The following UNC5C variants were observed in gnomAD, a reference collection of about 807,000 sequenced individuals.
UNC5C encodes the protein unc-5 netrin receptor C.
In UNC5C, 47 loss-of-function variants were observed where a neutral mutation model predicts 99.8. The ratio of observed to expected loss-of-function variants is 0.47; its 90% CI spans 0.37 to 0.60. UNC5C has a LOEUF of 0.60. Ranked by LOEUF, UNC5C falls within the 20% of genes least tolerant of loss-of-function variation. The pLI is 0.00. For missense variants in UNC5C, 1,062 were observed against 1,165.9 expected, an observed-to-expected ratio of 0.91 and a Z score of 1.30; for synonymous variants, 487 against 452.2, an observed-to-expected ratio of 1.08 and a Z score of -0.98.
intron 2 of UNC5C, 119 bp from the exon 3 acceptor site, chr4:95,301,868 A>ATATT (rs1741895474): frequency 8.0e-7 from 1 of 1,255,080 alleles, no homozygotes; most frequent in Non-Finnish European, 1.1e-6. Flanking sequence ...AACAACCCAG[A>ATATT]TATTGTCTCT....
Position 95,228,751 on chromosome 4 carries a change from G to C in UNC5C, c.1109-8575C>G, listed in dbSNP as rs748585244. 3.0e-4 allele frequency among the ~76,000 whole-genome samples: 46 copies of C among 152,310 alleles called. 1 individual carries two copies. The highest frequency in any genetic ancestry group is 7.8e-4 in the Admixed American group (12 of 15,304). ...AATTTGTAATTTGGTGATTGCATGAGATAACCCTGCTGATTTGGACTGTAA... is the reference window on the plus strand; with the variant it reads ...AATTTGTAATTTGGTGATTGCATGACATAACCCTGCTGATTTGGACTGTAA... On this transcript the variant is annotated intron_variant, in intron 7 of 15. Coordinates refer to ENST00000453304, the MANE Select transcript of UNC5C (RefSeq NM_003728.4).
chr4:95,510,244 C>A (rs1029678174), intron 1 of UNC5C, among the ~76,000 whole-genome samples: 1 of 151,850 alleles, frequency 6.6e-6, no homozygotes, highest in African/African-American at 2.4e-5. Flanking sequence ...ATTTTACCAT[C>A]CATTTGTAAA....
At chr4:95,285,661 G>C (rs1201646677) in intron 3 of UNC5C, among the ~76,000 whole-genome samples, 1 of 152,116 alleles carries the variant, frequency 6.6e-6, no homozygotes, top group East Asian at 1.9e-4. Flanking sequence ...CAAACTGAGT[G>C]TTATGACCCT....
intron 1 of UNC5C, among the ~76,000 whole-genome samples, chr4:95,467,784 G>C (rs1271592485): frequency 6.6e-6 from 1 of 152,024 alleles, no homozygotes; most frequent in Non-Finnish European, 1.5e-5. Context: ...ACTGGTGACT[G>C]GAAGCCTTAC....
At chr4:95,326,189 A>G (rs1037852154) in intron 2 of UNC5C, among the ~76,000 whole-genome samples, 3 of 152,150 alleles carry the variant, frequency 2.0e-5, no homozygotes, top group Non-Finnish European at 4.4e-5. Flanking sequence ...AATACATGTA[A>G]GGTGCTCAGT....
intron 1 of UNC5C, among the ~76,000 whole-genome samples, chr4:95,413,473 CA>C (rs756386672): frequency 8.2e-4 from 125 of 152,278 alleles, no homozygotes; most frequent in Non-Finnish European, 1.5e-3. Context: ...ATCATCCAGG[CA>C]TCATCTAACA....
intron 9 of UNC5C, among the ~76,000 whole-genome samples, chr4:95,217,553 A>G (rs995565696): frequency 7.2e-5 from 11 of 152,338 alleles, no homozygotes; most frequent in African/African-American, 2.6e-4. Flanking sequence ...AGTAATAGGT[A>G]ACTATTGTTT....
chr4:95,370,312 G>T (rs1297184144), intron 1 of UNC5C, among the ~76,000 whole-genome samples: 2 of 151,646 alleles, frequency 1.3e-5, no homozygotes, highest in Non-Finnish European at 2.9e-5. Flanking sequence ...TTTTTTTAAT[G>T]CAGCTACTAG....
intron 15 of UNC5C, among the ~76,000 whole-genome samples, chr4:95,169,944 A>C (rs1736022129): frequency 6.6e-6 from 1 of 152,188 alleles, no homozygotes; most frequent in South Asian, 2.1e-4. Flanking sequence ...GATACTTACC[A>C]ATGCCAGATA....
rs17023649 is a variant in UNC5C, at chr4:95,374,932, G to A, written c.125-39301C>T. 3.0e-3 allele frequency among the ~76,000 whole-genome samples: 455 copies of A among 152,212 alleles called. 2 individuals carry two copies. The highest frequency in any genetic ancestry group is 0.01 in the African/African-American group (435 of 41,520). On this transcript the variant is annotated intron_variant, in intron 1 of 15. Transcript: ENST00000453304. Reference sequence around the variant, plus strand: ...ATGGTTGCTAAATTATAATAACATCGCAGGTTGAACTATAATGCTGAATAT... The same window carrying A: ...ATGGTTGCTAAATTATAATAACATCACAGGTTGAACTATAATGCTGAATAT...
intron 7 of UNC5C, among the ~76,000 whole-genome samples, chr4:95,224,773 A>C (rs946006029): frequency 1.3e-5 from 2 of 152,210 alleles, no homozygotes; most frequent in Non-Finnish European, 2.9e-5. Context: ...AATAGTAAAA[A>C]AGTTCTTTTA....
chr4:95,233,789 G>C (rs1315385327), intron 7 of UNC5C, among the ~76,000 whole-genome samples: 1 of 152,100 alleles, frequency 6.6e-6, no homozygotes, highest in East Asian at 1.9e-4. Flanking sequence ...ACAAAAATTA[G>C]GTGGGTAGGG....
chr4:95,271,089 T>G (rs28449516), intron 4 of UNC5C, among the ~76,000 whole-genome samples: 67,685 of 152,072 alleles, frequency 0.45, 15,889 homozygotes, highest in East Asian at 0.58. Context: ...GAAAAACCTT[T>G]TTTGAACAAA....
chr4:95,401,035 T>C (rs1277225956), intron 1 of UNC5C, among the ~76,000 whole-genome samples: 2 of 152,206 alleles, frequency 1.3e-5, no homozygotes, highest in African/African-American at 4.8e-5. Flanking sequence ...AGTTTTTGGA[T>C]GTTAAGGTAT....
intron 1 of UNC5C, among the ~76,000 whole-genome samples, chr4:95,423,150 G>A (rs1012897310): frequency 1.3e-5 from 2 of 152,134 alleles, no homozygotes; most frequent in African/African-American, 4.8e-5. Context: ...CTATATGAGA[G>A]GATTGTATCT....
chr4:95,428,777 C>CCTT (rs1746553144), intron 1 of UNC5C, among the ~76,000 whole-genome samples: 1 of 152,020 alleles, frequency 6.6e-6, no homozygotes. Context: ...TTTGCAAAGT[C>CCTT]CTTTGTGATC....
chr4:95,247,485 T>A (rs1378239567), intron 5 of UNC5C, among the ~76,000 whole-genome samples: 1 of 152,172 alleles, frequency 6.6e-6, no homozygotes, highest in Admixed American at 6.5e-5. Context: ...TTAGGATATA[T>A]GTACTGTTCT....
intron 1 of UNC5C, among the ~76,000 whole-genome samples, chr4:95,472,543 A>T (rs1244088715): frequency 1.3e-5 from 2 of 152,062 alleles, no homozygotes; most frequent in Non-Finnish European, 2.9e-5. Flanking sequence ...GCACATGAAA[A>T]CCGAGGTAAA....
intron 11 of UNC5C, among the ~76,000 whole-genome samples, chr4:95,203,745 T>C (rs968794945): frequency 4.6e-5 from 7 of 152,300 alleles, no homozygotes; most frequent in Admixed American, 2.6e-4. Context: ...ATTACAGGTG[T>C]GAGCCACCAC....
Sources: gnomAD v4.1 joint callset for allele counts (sites outside exome capture counted in the v4.1 genomes callset) on GRCh38, gnomAD v4.1.1 for gene constraint, MANE v1.5 for transcripts, NCBI Gene and HGNC (gene_info 2026-07-23, HGNC 2026-07-21) for gene names.